Variants in SPATA6L observed in about 807,000 individuals in gnomAD.
The protein encoded by SPATA6L is spermatogenesis associated 6 like.
Under a neutral mutation model 49.2 loss-of-function variants are expected in SPATA6L, and 68 were observed. The observed-to-expected ratio is 1.38, with a 90% CI of 1.14 to 1.69. The LOEUF is 1.69. Ranked by LOEUF, SPATA6L falls within the 40% of genes most tolerant of loss-of-function variation. The pLI, the probability that SPATA6L is intolerant of heterozygous loss-of-function variation, is 0.00. For missense variants in SPATA6L, 668 were observed against 464.3 expected (o/e 1.44, Z -4.03); for synonymous variants, 198 against 165.7 (o/e 1.19, Z -1.50).
downstream of SPATA6L, among the ~76,000 whole-genome samples, chr9:4,597,629 T>A (rs1408401532): frequency 6.6e-6 from 1 of 152,192 alleles, no homozygotes; most frequent in Non-Finnish European, 1.5e-5. Flanking sequence ...CATAATTTGG[T>A]GCCCCTAGAT....
intron 9 of SPATA6L, among the ~76,000 whole-genome samples, chr9:4,612,977 C>T (rs1305178756): frequency 6.6e-6 from 1 of 152,120 alleles, no homozygotes; most frequent in Non-Finnish European, 1.5e-5. Flanking sequence ...CCTATAATCC[C>T]AGCACTTTGG....
intron 3 of SPATA6L, among the ~76,000 whole-genome samples, chr9:4,649,434 A>G (rs983736708): frequency 1.3e-5 from 2 of 152,232 alleles, no homozygotes; most frequent in Non-Finnish European, 2.9e-5. Context: ...TAAATTCTAT[A>G]TAGTCAATTA....
intron 9 of SPATA6L, among the ~76,000 whole-genome samples, chr9:4,614,334 C>A (rs1359588800): frequency 6.6e-6 from 1 of 152,204 alleles, no homozygotes; most frequent in Non-Finnish European, 1.5e-5. Flanking sequence ...TGTCTCCCAA[C>A]TCATCCTTAT....
intron 9 of SPATA6L, among the ~76,000 whole-genome samples, chr9:4,613,776 G>A (rs926256366): frequency 3.3e-5 from 5 of 152,106 alleles, no homozygotes; most frequent in Non-Finnish European, 7.4e-5. Context: ...TAGAGACGGG[G>A]TTTTGCCTTG....
At position 4,625,506 on chromosome 9, in the gene SPATA6L, T is replaced by G; in HGVS notation, c.490A>C (p.Asn164His). The G allele has an allele frequency of 1.2e-6, 2 of 1,613,676 alleles. No individual in the cohort carries two copies. The highest frequency in any genetic ancestry group is 1.7e-6 in the Non-Finnish European group (2 of 1,179,762). Reference protein sequence around the residue: ...STSHEPIFPLNTIKMKLKENN... With the variant: ...STSHEPIFPLHTIKMKLKENN... Reference sequence around the variant, plus strand: ...TCCTTTAGTTTCATCTTTATAGTATTTAAGGGAAATATTGGTTCATGTGAT... The same window carrying G: ...TCCTTTAGTTTCATCTTTATAGTATGTAAGGGAAATATTGGTTCATGTGAT... The change falls in exon 6 of 12, where the codon AAT becomes CAT. Residue 164 changes from asparagine to histidine, a missense_variant. Coordinates refer to ENST00000682582, the MANE Select transcript of SPATA6L (RefSeq NM_001353486.2).
At chr9:4,636,903 A>G (rs1290452411) in intron 3 of SPATA6L, among the ~76,000 whole-genome samples, 1 of 152,152 alleles carries the variant, frequency 6.6e-6, no homozygotes, top group African/African-American at 2.4e-5. Context: ...TCCACCATGC[A>G]TGCTCTCCTG....
intron 1 of SPATA6L, 143 bp downstream of exon 1, chr9:4,666,069 A>ATCTT (rs60279350): frequency 0.39 from 301,761 of 767,598 alleles, 66,333 homozygotes; most frequent in African/African-American, 0.7. Flanking sequence ...AATATGGAGA[A>ATCTT]AAAGACAAAG....
At chr9:4,649,079 A>T (rs1181737445) in intron 3 of SPATA6L, among the ~76,000 whole-genome samples, 1 of 151,812 alleles carries the variant, frequency 6.6e-6, no homozygotes, top group Non-Finnish European at 1.5e-5. Context: ...ACACACACAC[A>T]CACACACACA....
intron 4 of SPATA6L, 62 bp from the exon 5 acceptor site, chr9:4,629,230 T>G: frequency 1.7e-6 from 2 of 1,184,812 alleles, no homozygotes; most frequent in Non-Finnish European, 2.4e-6. Flanking sequence ...GCCATCTCCT[T>G]CTAACTTGAA....
At chr9:4,636,811 T>C (rs1832897769) in intron 3 of SPATA6L, among the ~76,000 whole-genome samples, 1 of 152,230 alleles carries the variant, frequency 6.6e-6, no homozygotes, top group Non-Finnish European at 1.5e-5. Context: ...TTTTTCATCA[T>C]AAATAGCATT....
intron 13 of SPATA6L, among the ~76,000 whole-genome samples, chr9:4,590,063 A>G (rs1243930897): frequency 6.6e-6 from 1 of 152,164 alleles, no homozygotes; most frequent in Non-Finnish European, 1.5e-5. Flanking sequence ...AACTGAGATT[A>G]CAGGTGTGCA....
Position 4,646,753 on chromosome 9 carries a change from A to G in SPATA6L, c.226+9288T>C, listed in dbSNP as rs376195207. Among the ~76,000 whole-genome samples, 3 of 152,326 alleles carry G rather than the reference A, an allele frequency of 2.0e-5. No individual in the cohort carries two copies. The South Asian group carries it at 6.2e-4, about 32-fold the overall frequency. ...TATAAAAAATAGCATTTCACTAGCC[A>G]TAAAAAAGAACAAGCGTTCATGTCT... On this transcript the variant is annotated intron_variant, in intron 3 of 11. Coordinates refer to ENST00000682582, the MANE Select transcript of SPATA6L (RefSeq NM_001353486.2).
At chr9:4,637,086 C>T (rs4742034) in intron 3 of SPATA6L, among the ~76,000 whole-genome samples, 31,091 of 152,080 alleles carry the variant, frequency 0.2, 4,529 homozygotes, top group East Asian at 0.4. Context: ...CCCTAGATTT[C>T]AAGACTCTAT....
intron 5 of SPATA6L, chr9:4,626,237 T>C (rs1830322301): frequency 2.6e-6 from 1 of 388,978 alleles, no homozygotes; most frequent in Non-Finnish European, 4.0e-6. Context: ...CTCCAGATTA[T>C]AGCCTTTCCC....
chr9:4,645,677 T>A (rs1041800257), intron 3 of SPATA6L, among the ~76,000 whole-genome samples: 3 of 152,192 alleles, frequency 2.0e-5, no homozygotes, highest in Admixed American at 6.5e-5. Flanking sequence ...GGAATTAAAA[T>A]CTGATACATG....
At chr9:4,616,213 G>T (rs1240330141) in intron 9 of SPATA6L, among the ~76,000 whole-genome samples, 1 of 152,200 alleles carries the variant, frequency 6.6e-6, no homozygotes, top group Middle Eastern at 3.4e-3. Flanking sequence ...GGAGGTCAAG[G>T]CTGCAGTAAG....
chr9:4,648,210 G>T (rs1020523640), intron 3 of SPATA6L, among the ~76,000 whole-genome samples: 6 of 152,058 alleles, frequency 3.9e-5, no homozygotes, highest in South Asian at 2.1e-4. Context: ...GAATTCATAG[G>T]ACAAAACTTT....
intron 3 of SPATA6L, among the ~76,000 whole-genome samples, chr9:4,641,090 TATTCTGC>T (rs1833935441): frequency 1.3e-5 from 2 of 152,226 alleles, no homozygotes; most frequent in African/African-American, 4.8e-5. Context: ...TGAAAATACA[TATTCTGC>T]AACTGACTTT....
Position 4,604,046 on chromosome 9 carries a change from T to C in SPATA6L, c.*1+133A>G, listed in dbSNP as rs1824068686. 6.7e-6 allele frequency: 4 copies of C among 595,060 alleles called. No individual in the cohort carries two copies. In the East Asian group the frequency reaches 1.2e-4, roughly 17 times the overall value. The allele number at this position is 595,060 out of a possible 1,614,324, so 36.9% of individuals were successfully genotyped here. A position where few individuals can be genotyped will look rare whatever the true frequency, so the allele number is the denominator to read the frequency against. On this transcript the variant is annotated intron_variant, in intron 11 of 11. Coordinates refer to ENST00000682582, the MANE Select transcript of SPATA6L (RefSeq NM_001353486.2). ...ATACAGAGCAAGGGAAGAACGCAGT[T>C]CTCAGGTCTCCTCCAAGTCTCCTGT...
Sources: allele counts gnomAD v4.1 joint callset (sites outside exome capture counted in the v4.1 genomes callset), GRCh38; gene constraint gnomAD v4.1.1; transcripts MANE v1.5; gene names NCBI Gene and HGNC (gene_info 2026-07-23, HGNC 2026-07-21).